The following PTPRG variants were observed in gnomAD, a reference collection of about 807,000 sequenced individuals.
PTPRG encodes receptor-type tyrosine-protein phosphatase gamma.
In PTPRG, 102 loss-of-function variants were observed where a neutral mutation model predicts 165.3. The ratio of observed to expected loss-of-function variants is 0.62; its 90% CI spans 0.53 to 0.73. PTPRG has a LOEUF of 0.73. Among genes scored for constraint, PTPRG ranks in the 30% least tolerant of loss-of-function variants. PTPRG has a pLI of 0.00. For missense variants in PTPRG, 1,866 were observed against 1,861.4 expected (o/e 1.00, Z -0.05); for synonymous variants, 675 against 669.5 (o/e 1.01, Z -0.13).
At chr3:62,211,186 C>T (rs751802642) in intron 12 of PTPRG, among the ~76,000 whole-genome samples, 10 of 152,156 alleles carry the variant, frequency 6.6e-5, no homozygotes, top group East Asian at 1.9e-4. Flanking sequence ...GTAAAAGGAA[C>T]GAAATCCTCT....
chr3:61,933,930 C>T (rs2039422842), intron 2 of PTPRG, among the ~76,000 whole-genome samples: 1 of 152,200 alleles, frequency 6.6e-6, no homozygotes, highest in Admixed American at 6.5e-5. Context: ...TGCCATCAAG[C>T]CCAGGGAAAG....
chr3:62,104,620 AGTATTT>A (rs1702409506), intron 5 of PTPRG, among the ~76,000 whole-genome samples: 1 of 152,256 alleles, frequency 6.6e-6, no homozygotes, highest in Non-Finnish European at 1.5e-5. Context: ...AATGTAGACT[AGTATTT>A]GTGTTTACGC....
At chr3:61,738,298 A>ATGTG (rs1223629002) in intron 1 of PTPRG, among the ~76,000 whole-genome samples, 1 of 48,212 alleles carries the variant, frequency 2.1e-5, no homozygotes, top group African/African-American at 6.9e-5. Context: ...ATATATATAT[A>ATGTG]TATATATATA....
chr3:62,001,196 T>C (rs2041164679), intron 3 of PTPRG, among the ~76,000 whole-genome samples: 1 of 152,160 alleles, frequency 6.6e-6, no homozygotes, highest in Non-Finnish European at 1.5e-5. Flanking sequence ...ATGAGACATT[T>C]TTGGAAGGGG....
intron 1 of PTPRG, among the ~76,000 whole-genome samples, chr3:61,596,425 G>A (rs1700701403): frequency 7.7e-6 from 1 of 130,290 alleles, no homozygotes; most frequent in Admixed American, 8.5e-5. Context: ...CACAGAATCT[G>A]TTTCAATTCG....
chr3:61,950,674 C>A (rs571223559), intron 2 of PTPRG, among the ~76,000 whole-genome samples: 1 of 152,138 alleles, frequency 6.6e-6, no homozygotes, highest in Non-Finnish European at 1.5e-5. Context: ...TAAAAAAACT[C>A]TTTGTTCACC....
At chr3:61,777,539 A>C (rs2034423923) in intron 2 of PTPRG, among the ~76,000 whole-genome samples, 1 of 152,186 alleles carries the variant, frequency 6.6e-6, no homozygotes, top group Non-Finnish European at 1.5e-5. Flanking sequence ...CTGCAGAGAG[A>C]TCAACAGGAT....
intron 5 of PTPRG, among the ~76,000 whole-genome samples, chr3:62,084,240 G>A (rs920142392): frequency 6.6e-6 from 1 of 152,162 alleles, no homozygotes; most frequent in Non-Finnish European, 1.5e-5. Context: ...TAATTGAATT[G>A]CATCTGATTT....
At chr3:61,944,982 C>T (rs913029846) in intron 2 of PTPRG, among the ~76,000 whole-genome samples, 1 of 152,110 alleles carries the variant, frequency 6.6e-6, no homozygotes, top group Non-Finnish European at 1.5e-5. Context: ...TGGAAAAGAA[C>T]GGAATTCTAT....
chr3:62,140,596 C>T (rs145349903), intron 6 of PTPRG, among the ~76,000 whole-genome samples: 4,894 of 152,184 alleles, frequency 0.032, 123 homozygotes, highest in Non-Finnish European at 0.048. Flanking sequence ...CCTGTAATCC[C>T]AGCACTTTGG....
chr3:62,060,753 T>C (rs62243316), intron 4 of PTPRG, among the ~76,000 whole-genome samples: 28,070 of 152,210 alleles, frequency 0.18, 2,856 homozygotes, highest in Admixed American at 0.27. Flanking sequence ...GTCATTGTTT[T>C]ATCTCTATTC....
chr3:61,850,102 C>T lies in PTPRG; in HGVS notation c.190+101120C>T, dbSNP rs149399300. Among the ~76,000 whole-genome samples, 1,168 of 152,044 alleles carry T rather than the reference C, an allele frequency of 7.7e-3. 16 individuals carry two copies. Among genetic ancestry groups the T allele is most frequent in the African/African-American group, 0.027 (1,124 of 41,500 alleles). On this transcript the variant is annotated intron_variant, in intron 2 of 29. Transcript: ENST00000474889. ...GCATATACTACTAGTTTGCTTTTAA[C>T]GTGTATGTATGTTTATATTTTCTTA...
chr3:61,903,662 C>T (rs1401954664), intron 2 of PTPRG, among the ~76,000 whole-genome samples: 1 of 152,184 alleles, frequency 6.6e-6, no homozygotes, highest in Non-Finnish European at 1.5e-5. Flanking sequence ...GCGTGAGCCA[C>T]CGTGCCCGGG....
At chr3:62,085,358 A>G (rs1701718277) in intron 5 of PTPRG, among the ~76,000 whole-genome samples, 1 of 152,090 alleles carries the variant, frequency 6.6e-6, no homozygotes. Flanking sequence ...TGAGGTTGGT[A>G]CCTCTCTTTC....
chr3:61,861,599 C>G (rs1438275395), intron 2 of PTPRG, among the ~76,000 whole-genome samples: 4 of 152,156 alleles, frequency 2.6e-5, no homozygotes, highest in Admixed American at 2.6e-4. Context: ...CTGCTATTGG[C>G]AAAGTAATTT....
At chr3:61,995,677 C>CGCCT (rs1286003772) in intron 3 of PTPRG, among the ~76,000 whole-genome samples, 1 of 95,846 alleles carries the variant, frequency 1.0e-5, no homozygotes, top group East Asian at 2.6e-4. Context: ...CCTGCCTGCC[C>CGCCT]GCCCGCCTTC....
chr3:62,027,642 G>A (rs1699610012), intron 4 of PTPRG, among the ~76,000 whole-genome samples: 1 of 152,192 alleles, frequency 6.6e-6, no homozygotes. Flanking sequence ...GCAGCTGACA[G>A]ACATTTACCT....
chr3:61,654,813 A>G (rs1400777415), intron 1 of PTPRG, among the ~76,000 whole-genome samples: 5 of 124,440 alleles, frequency 4.0e-5, no homozygotes, highest in African/African-American at 1.6e-4. Flanking sequence ...ACAAAGTCTC[A>G]CTCTGTCGCC....
At chr3:61,672,712 AGAGAGGGAGAGGGAGACTGTGGGGAGAGG>A (rs1271020469) in intron 1 of PTPRG, among the ~76,000 whole-genome samples, 11 of 118,616 alleles carry the variant, frequency 9.3e-5, no homozygotes, top group Admixed American at 3.5e-4. Context: ...GACCGTGGAA[AGAGAGGGAGAGGGAGACTGTGGGGAGAGG>A]GAGAGGGAGA....
Sources: gnomAD v4.1 joint callset for allele counts (sites outside exome capture counted in the v4.1 genomes callset) on GRCh38, gnomAD v4.1.1 for gene constraint, MANE v1.5 for transcripts, NCBI Gene and HGNC (gene_info 2026-07-23, HGNC 2026-07-21) for gene names.